Variants in FBXO11 observed in about 807,000 individuals in gnomAD.
FBXO11 encodes F-box protein 11.
FBXO11 carries 13 observed loss-of-function variants against 117.0 expected under a neutral mutation model. The observed-to-expected ratio is 0.11, with a 90% confidence interval of 0.07 to 0.18. FBXO11 has a LOEUF of 0.18. Ranked by LOEUF, FBXO11 falls within the 10% of genes least tolerant of loss-of-function variation. FBXO11 has a pLI of 1.00. For missense variants in FBXO11, 767 were observed against 1,164.4 expected, an observed-to-expected ratio of 0.66 and a Z score of 4.97; for synonymous variants, 490 against 380.5, an observed-to-expected ratio of 1.29 and a Z score of -3.35.
chr2:47,887,188 G>C (rs371305946), intron 1 of FBXO11, among the ~76,000 whole-genome samples: 2 of 151,962 alleles, frequency 1.3e-5, no homozygotes, highest in African/African-American at 4.8e-5. Flanking sequence ...GGGAGGCTGA[G>C]GCAAGATAAT....
chr2:47,820,332 G>A, intron 14 of FBXO11, 30 bp downstream of exon 14: 12 of 1,571,498 alleles, frequency 7.6e-6, no homozygotes, highest in South Asian at 1.1e-5. Flanking sequence ...TGATGCATGA[G>A]TTTATAGGGA....
chr2:47,864,231 G>A (rs1334675229), intron 1 of FBXO11, among the ~76,000 whole-genome samples: 2 of 152,074 alleles, frequency 1.3e-5, no homozygotes, highest in Non-Finnish European at 2.9e-5. Context: ...AAGTACTCAC[G>A]GTATTTCATG....
At chr2:47,811,026 T>G (rs1027235840) in intron 18 of FBXO11, 1 of 152,252 alleles carries the variant, frequency 6.6e-6, no homozygotes, top group African/African-American at 2.4e-5. Context: ...GTTTTATTTC[T>G]GTAGACATTT....
rs116968254 is a variant in FBXO11 at position 47,893,019 on chromosome 2, G to T, written c.232+12470C>A. Among the ~76,000 whole-genome samples the T allele has an allele frequency of 6.1e-3, 928 of 152,138 alleles. 55 individuals are homozygous for T. In the East Asian group the frequency reaches 0.14, roughly 22 times the overall value. Reference sequence around the variant, plus strand: ...AATACAAAAAAATGAACCAGGCATGGTGGCACGTGCCTGTAATCCCAGCTA... The same window carrying T: ...AATACAAAAAAATGAACCAGGCATGTTGGCACGTGCCTGTAATCCCAGCTA... On this transcript the variant is annotated intron_variant, in intron 1 of 22. Transcript: ENST00000403359.
intron 16 of FBXO11, chr2:47,814,101 A>C: frequency 2.4e-6 from 1 of 418,972 alleles, no homozygotes; most frequent in Non-Finnish European, 4.4e-6. Flanking sequence ...ATGTAAACTA[A>C]ATGGGGTTAT....
In FBXO11 at chr2:47,834,772, T is replaced by TA. The variant is rs1672428056; in HGVS notation, c.801+15dup. The TA allele has an allele frequency of 6.2e-7, 1 of 1,609,044 alleles. No homozygotes were observed. The highest frequency in any genetic ancestry group is 8.5e-7 in the Non-Finnish European group (1 of 1,178,054). Reference sequence around the variant, plus strand: ...AGATTACCATTTTAAGTCATAAAAATAAAAATCAAACATACCAACATATTT... The same window carrying TA: ...AGATTACCATTTTAAGTCATAAAAATAAAAAATCAAACATACCAACATATTT... On this transcript the variant is annotated intron_variant, in intron 6 of 22. Coordinates refer to ENST00000403359, the MANE Select transcript of FBXO11 (RefSeq NM_001190274.2).
At chr2:47,833,379 A>T (rs1672323414) in intron 7 of FBXO11, among the ~76,000 whole-genome samples, 1 of 152,222 alleles carries the variant, frequency 6.6e-6, no homozygotes, top group South Asian at 2.1e-4. Context: ...GCAGCACTGG[A>T]AACAGAAGCT....
rs6714798 is a variant in FBXO11, at chr2:47,864,222, A to C, written c.233-24453T>G. Among the ~76,000 whole-genome samples the C allele has an allele frequency of 3.6e-3, 550 of 152,360 alleles. 5 individuals carry two copies. The highest frequency in any genetic ancestry group is 0.012 in the African/African-American group (519 of 41,594). On this transcript the variant is annotated intron_variant, in intron 1 of 22. Coordinates refer to ENST00000403359, the MANE Select transcript of FBXO11 (RefSeq NM_001190274.2). ...ATTAAATATAAAAAAGCATTTATTA[A>C]GTACTCACGGTATTTCATGAGAAAA...
chr2:47,863,291 G>A (rs1674931036), intron 1 of FBXO11, among the ~76,000 whole-genome samples: 1 of 152,082 alleles, frequency 6.6e-6, no homozygotes, highest in Non-Finnish European at 1.5e-5. Context: ...TTTCTTGTTA[G>A]GAATAATCAC....
At chr2:47,826,645 G>C (rs1328691730) in intron 11 of FBXO11, among the ~76,000 whole-genome samples, 4 of 152,130 alleles carry the variant, frequency 2.6e-5, no homozygotes, top group Non-Finnish European at 2.9e-5. Context: ...GTGCTATTCA[G>C]AGTTGAGCCA....
intron 1 of FBXO11, among the ~76,000 whole-genome samples, chr2:47,886,206 CT>C (rs1301323563): frequency 2.0e-5 from 3 of 152,088 alleles, no homozygotes; most frequent in African/African-American, 7.2e-5. Context: ...CAATAACCCA[CT>C]TTTAAAAAGT....
At chr2:47,830,069 T>G (rs543610213) in intron 11 of FBXO11, among the ~76,000 whole-genome samples, 1 of 151,360 alleles carries the variant, frequency 6.6e-6, no homozygotes, top group Non-Finnish European at 1.5e-5. Flanking sequence ...GAACAGAACA[T>G]AGCAATATAA....
chr2:47,837,072 T>A, intron 4 of FBXO11: 1 of 236,114 alleles, frequency 4.2e-6, no homozygotes, highest in South Asian at 4.0e-5. Flanking sequence ...TACTTTGAAC[T>A]TAATTTGTCC....
intron 11 of FBXO11, among the ~76,000 whole-genome samples, chr2:47,825,730 CCA>C (rs1212636167): frequency 5.9e-5 from 9 of 152,036 alleles, no homozygotes; most frequent in African/African-American, 2.2e-4. Flanking sequence ...GTGCATGGCA[CCA>C]AGCCTGGCCA....
intron 1 of FBXO11, among the ~76,000 whole-genome samples, chr2:47,872,103 A>G (rs951483597): frequency 2.0e-5 from 3 of 152,036 alleles, no homozygotes; most frequent in African/African-American, 4.8e-5. Flanking sequence ...TCTGGCTTCC[A>G]TCTTTCCTGT....
At chr2:47,808,693 C>CTGAAAACAATTTTTGGAGGCG in intron 21 of FBXO11, 1 of 361,508 alleles carries the variant, frequency 2.8e-6, no homozygotes, top group Non-Finnish European at 5.0e-6. Flanking sequence ...TGTTTCTGGG[C>CTGAAAACAATTTTTGGAGGCG]TGAAAACAAT....
At position 47,839,629 on chromosome 2, in the gene FBXO11, C is replaced by T. The variant is rs1379749483; in HGVS notation, c.360+13G>A. The T allele has an allele frequency of 1.2e-6, 2 of 1,607,888 alleles. No homozygotes were observed. The highest frequency in any genetic ancestry group is 4.5e-5 in the East Asian group (2 of 44,870). ...TTCATTACAAAAAGAAAAGCAACTA[C>T]AGTTAAAGTTACCTCCATACTGTTC... On this transcript the variant is annotated intron_variant, in intron 2 of 22. Transcript: ENST00000403359.
intron 18 of FBXO11, chr2:47,810,793 T>C (rs1250688950): frequency 1.2e-5 from 2 of 161,084 alleles, no homozygotes; most frequent in Non-Finnish European, 2.7e-5. Flanking sequence ...TCTTTGTTTT[T>C]AGTTCAGGCA....
chr2:47,888,745 C>T, intron 1 of FBXO11: 2 of 728,374 alleles, frequency 2.7e-6, no homozygotes, highest in Non-Finnish European at 3.4e-6. Context: ...TATACACACC[C>T]AAGCACCCAA....
Sources: allele counts gnomAD v4.1 joint callset (sites outside exome capture counted in the v4.1 genomes callset), GRCh38; gene constraint gnomAD v4.1.1; transcripts MANE v1.5; gene names NCBI Gene and HGNC (gene_info 2026-07-23, HGNC 2026-07-21).